PTPRC: variants seen among roughly 807,000 people sequenced by gnomAD.
PTPRC encodes the protein receptor-type tyrosine-protein phosphatase C.
Under a neutral mutation model 155.9 loss-of-function variants are expected in PTPRC, and 44 were observed. The observed-to-expected ratio is 0.28, with a 90% confidence interval of 0.22 to 0.36. PTPRC has a LOEUF of 0.36. Ranked by LOEUF, PTPRC falls within the 10% of genes least tolerant of loss-of-function variation. PTPRC has a pLI of 1.00. For synonymous variants in PTPRC, 525 were observed against 533.1 expected (o/e 0.98, Z 0.21); for missense variants, 1,401 against 1,564.6 (o/e 0.90, Z 1.76).
chr1:198,723,112 CATATATAT>C (rs3033891), intron 15 of PTPRC, among the ~76,000 whole-genome samples: 1 of 144,094 alleles, frequency 6.9e-6, no homozygotes, highest in East Asian at 2.0e-4. Flanking sequence ...TAGTTTCCTT[CATATATAT>C]ATATATATAT....
At chr1:198,647,581 C>T (rs1292119888) in intron 2 of PTPRC, among the ~76,000 whole-genome samples, 1 of 151,818 alleles carries the variant, frequency 6.6e-6, no homozygotes, top group Admixed American at 6.6e-5. Context: ...CTTCCTCTAT[C>T]TTTTGATCAC....
chr1:198,689,237 A>T (rs1557998764), intron 2 of PTPRC, among the ~76,000 whole-genome samples: 2 of 152,166 alleles, frequency 1.3e-5, no homozygotes, highest in African/African-American at 2.4e-5. Flanking sequence ...TCTCTCTGAG[A>T]CATGGAACAT....
intron 26 of PTPRC, among the ~76,000 whole-genome samples, chr1:198,745,287 G>A (rs1655089122): frequency 1.3e-5 from 2 of 151,822 alleles, no homozygotes; most frequent in South Asian, 4.1e-4. Flanking sequence ...GAAGAAGGAT[G>A]AGAGGATGTG....
At position 198,756,032 on chromosome 1, in the gene PTPRC, G is replaced by T. The variant is rs757598062; in HGVS notation, c.3772G>T (p.Asp1258Tyr). ...TAATGAAGTGGACAAAGTAAAGCAGGATGCTAATTGTGTTAATCCACTTGG... is the reference window on the plus strand; with the variant it reads ...TAATGAAGTGGACAAAGTAAAGCAGTATGCTAATTGTGTTAATCCACTTGG... ...FDNEVDKVKQ[D>Y]ANCVNPLGAP... Residue 1258 changes from aspartate to tyrosine, a missense_variant, in exon 33 of 33, where the codon GAT (aspartate) becomes TAT (tyrosine). Physicochemically the swap from Asp to Tyr is radical, Grantham distance 160. This residue lies in a region of PTPRC where 400 missense variants were observed against 389.5 expected (regional missense o/e 1.03). Transcript: ENST00000442510. 1 of 1,613,346 alleles carries T rather than the reference G, an allele frequency of 6.2e-7. No individual in the cohort carries two copies. The highest frequency in any genetic ancestry group is 1.3e-5 in the African/African-American group (1 of 74,868).
intron 3 of PTPRC, chr1:198,692,945 T>C (rs534075784): frequency 3.3e-6 from 3 of 915,432 alleles, no homozygotes; most frequent in Admixed American, 6.2e-5. Flanking sequence ...GCAAATAAAT[T>C]CATACATAGT....
chr1:198,651,160 G>C (rs547943087), intron 2 of PTPRC, among the ~76,000 whole-genome samples: 1 of 151,648 alleles, frequency 6.6e-6, no homozygotes, highest in Non-Finnish European at 1.5e-5. Context: ...TATATTGAGA[G>C]ACTAAAGAAT....
rs752737507 is a variant in PTPRC at position 198,731,651 on chromosome 1, C to T, written c.1899C>T (p.Ile633=). The T allele has an allele frequency of 7.4e-6, 12 of 1,611,098 alleles. No individual in the cohort carries two copies. In the East Asian group the frequency reaches 2.7e-4, roughly 36 times the overall value. The change falls in exon 18 of 33, where the codon ATC becomes ATT. Residue 633 remains isoleucine, a synonymous_variant. Coordinates refer to ENST00000442510, the MANE Select transcript of PTPRC (RefSeq NM_002838.5). ...AACAACTGATGAATGTGGAGCCAAT[C>T]CATGCAGATATTTTGTTGGAAACTT... The part of the protein sequence containing the change: ...DEKQLMNVEP[I]HADILLETYK...
At chr1:198,725,748 T>A (rs912082975) in intron 15 of PTPRC, among the ~76,000 whole-genome samples, 2 of 152,190 alleles carry the variant, frequency 1.3e-5, no homozygotes, top group African/African-American at 4.8e-5. Flanking sequence ...TTTTTGTAAA[T>A]AGACATTTGA....
chr1:198,744,234 A>G, intron 26 of PTPRC, 31 bp downstream of exon 26: 2 of 1,571,030 alleles, frequency 1.3e-6, no homozygotes, highest in Non-Finnish European at 1.7e-6. Context: ...AATAATAATT[A>G]CAGATAACTT....
intron 2 of PTPRC, among the ~76,000 whole-genome samples, chr1:198,681,974 C>A (rs1553234947): frequency 6.6e-6 from 1 of 152,160 alleles, no homozygotes; most frequent in Non-Finnish European, 1.5e-5. Context: ...ACCTATTGCA[C>A]CATTTGGTAG....
intron 2 of PTPRC, among the ~76,000 whole-genome samples, chr1:198,643,356 C>T (rs1375691334): frequency 6.6e-6 from 1 of 151,698 alleles, no homozygotes; most frequent in Non-Finnish European, 1.5e-5. Flanking sequence ...AAAAATAAAA[C>T]TGCATATTGT....
chr1:198,748,221 T>C, intron 27 of PTPRC, 22 bp downstream of exon 27: 1 of 1,589,728 alleles, frequency 6.3e-7, no homozygotes, highest in South Asian at 1.1e-5. Flanking sequence ...ATTTTTTTAT[T>C]TTTTGTATCA....
At chr1:198,693,706 A>C (rs898111561) in intron 3 of PTPRC, among the ~76,000 whole-genome samples, 4 of 152,248 alleles carry the variant, frequency 2.6e-5, no homozygotes, top group Non-Finnish European at 5.9e-5. Context: ...TGGAGGTTCA[A>C]GAACAATGTG....
At chr1:198,714,135 T>C (rs1653447283) in intron 12 of PTPRC, among the ~76,000 whole-genome samples, 1 of 152,170 alleles carries the variant, frequency 6.6e-6, no homozygotes, top group Non-Finnish European at 1.5e-5. Context: ...ACTGTCTGCC[T>C]CATTGGACAC....
chr1:198,686,411 T>G (rs1195048141), intron 2 of PTPRC, among the ~76,000 whole-genome samples: 2 of 152,158 alleles, frequency 1.3e-5, no homozygotes, highest in African/African-American at 4.8e-5. Flanking sequence ...GAAAATTTCA[T>G]CCCTAGAAGA....
intron 20 of PTPRC, 50 bp downstream of exon 20, chr1:198,732,606 CTTGT>C (rs778530957): frequency 3.2e-5 from 44 of 1,368,188 alleles, no homozygotes; most frequent in Non-Finnish European, 3.9e-5. Flanking sequence ...CATTCAGCTC[CTTGT>C]TTGTCTTGGT....
chr1:198,643,600 G>T (rs537071735), intron 2 of PTPRC, among the ~76,000 whole-genome samples: 1 of 151,650 alleles, frequency 6.6e-6, no homozygotes, highest in East Asian at 1.9e-4. Flanking sequence ...CTCACCTCTC[G>T]TCTGGAAAGA....
At chr1:198,723,979 C>T (rs1288786012) in intron 15 of PTPRC, among the ~76,000 whole-genome samples, 1 of 152,192 alleles carries the variant, frequency 6.6e-6, no homozygotes, top group East Asian at 1.9e-4. Context: ...AAACCCAAAG[C>T]TGGTACTTCC....
intron 2 of PTPRC, among the ~76,000 whole-genome samples, chr1:198,645,883 A>G (rs1046794158): frequency 2.2e-4 from 34 of 151,752 alleles, no homozygotes; most frequent in African/African-American, 8.2e-4. Flanking sequence ...TAGTGTAAAA[A>G]TATCCTGAAG....
Sources: gnomAD v4.1 joint callset for allele counts (sites outside exome capture counted in the v4.1 genomes callset) on GRCh38, gnomAD v4.1.1 for gene constraint, gnomAD v4.1.1 regional missense constraint, MANE v1.5 for transcripts, NCBI Gene and HGNC (gene_info 2026-07-23, HGNC 2026-07-21) for gene names.